Variants in DHX30 observed in about 807,000 individuals in gnomAD.
DHX30 encodes DExH-box helicase 30.
A neutral mutation model predicts 116.9 loss-of-function variants in DHX30; 4 were observed. The observed-to-expected ratio is 0.03, with a 90% confidence interval of 0.02 to 0.08. The LOEUF is 0.08. Ranked by LOEUF, DHX30 falls within the 10% of genes least tolerant of loss-of-function variation. The probability of loss-of-function intolerance (pLI) is 1.00; values close to 1 mark genes in which losing one functional copy is unlikely to be tolerated. For synonymous variants in DHX30, 697 were observed against 651.7 expected, an observed-to-expected ratio of 1.07 and a Z score of -1.06; for missense variants, 871 against 1,595.1, an observed-to-expected ratio of 0.55 and a Z score of 7.73.
intron 5 of DHX30, 128 bp from the exon 6 acceptor site, chr3:47,828,896 C>A: frequency 1.5e-6 from 1 of 656,084 alleles, no homozygotes; most frequent in Non-Finnish European, 2.8e-6. Flanking sequence ...GTTCTCAACT[C>A]TGAACCTAGC....
intron 6 of DHX30, among the ~76,000 whole-genome samples, chr3:47,834,701 C>A (rs567450063): frequency 3.3e-5 from 5 of 152,200 alleles, no homozygotes; most frequent in African/African-American, 1.2e-4. Flanking sequence ...CTCAAGCAAT[C>A]CACCTGTCTC....
At chr3:47,837,475 A>G (rs2037174079) in intron 6 of DHX30, among the ~76,000 whole-genome samples, 1 of 152,184 alleles carries the variant, frequency 6.6e-6, no homozygotes. Flanking sequence ...GGTTTCTTCA[A>G]CGGTATTAGA....
chr3:47,833,661 C>G (rs1253161935), intron 6 of DHX30, among the ~76,000 whole-genome samples: 1 of 150,982 alleles, frequency 6.6e-6, no homozygotes, highest in African/African-American at 2.4e-5. Context: ...AGTTCGAGAC[C>G]AGCTTGGCCA....
At chr3:47,824,959 C>T in intron 4 of DHX30, 3 of 497,760 alleles carry the variant, frequency 6.0e-6, no homozygotes, top group South Asian at 2.9e-5. Flanking sequence ...CCGCAGGGGG[C>T]GCGCGGCGCT....
chr3:47,818,428 C>T (rs2036153161), intron 4 of DHX30, among the ~76,000 whole-genome samples: 1 of 152,048 alleles, frequency 6.6e-6, no homozygotes, highest in African/African-American at 2.4e-5. Flanking sequence ...CTTGGGGCCT[C>T]GAGGCTCCTA....
At position 47,848,655 on chromosome 3, in the gene DHX30, C is replaced by T; in HGVS notation, c.2607C>T (p.Thr869=). ...TGGACCAGCGGGAGTACCTGACTAC[C>T]CTGGGGCAGCGCCTGGCTCACATCT... ...GVLDQREYLT[T]LGQRLAHIST... is the part of the protein sequence containing the mutation. Residue 869 remains threonine, a synonymous_variant, in exon 17 of 22, where the codon ACC becomes ACT. Coordinates refer to ENST00000445061, the MANE Select transcript of DHX30 (RefSeq NM_138615.3). The surrounding 1 kb of genome is among the most constrained non-coding windows in gnomAD (Gnocchi z 9.4). 6.2e-7 allele frequency: 1 copy of T among 1,614,120 alleles called. No individual in the cohort carries two copies. Among genetic ancestry groups the T allele is most frequent in the Non-Finnish European group, 8.5e-7 (1 of 1,180,002 alleles).
intron 4 of DHX30, chr3:47,822,127 A>T (rs369693114): frequency 5.3e-4 from 80 of 152,324 alleles, no homozygotes; most frequent in African/African-American, 1.9e-3. Flanking sequence ...TGCAGGCTGT[A>T]GTTTTCCAAC....
rs1052271611 is a variant in DHX30, at chr3:47,835,327, C to T, written c.367-5550C>T. On this transcript the variant is annotated intron_variant, in intron 6 of 21. Coordinates refer to ENST00000445061, the MANE Select transcript of DHX30 (RefSeq NM_138615.3). ...CTGGGATTACAGGCATGTGCCACCA[C>T]GCCTGGAATTTTGTATTTTTACTAG... Among the ~76,000 whole-genome samples the T allele has an allele frequency of 5.9e-5, 9 of 152,154 alleles. No homozygotes were observed. In the East Asian group the frequency reaches 9.7e-4, roughly 16 times the overall value.
chr3:47,842,212 A>T (rs1308955728), intron 8 of DHX30: 1 of 157,370 alleles, frequency 6.4e-6, no homozygotes, highest in Non-Finnish European at 1.4e-5. Context: ...TGACCCCTTA[A>T]TTTACAAGAC....
chr3:47,841,468 C>A, intron 7 of DHX30, 149 bp from the exon 8 acceptor site: 1 of 1,111,986 alleles, frequency 9.0e-7, no homozygotes, highest in African/African-American at 1.6e-5. Flanking sequence ...GTGGGAGGAG[C>A]AGAGACGCCC....
chr3:47,820,085 G>T (rs13079407), intron 4 of DHX30, among the ~76,000 whole-genome samples: 91,571 of 152,046 alleles, frequency 0.6, 28,938 homozygotes, highest in East Asian at 0.72. Context: ...GGCCAAGGTG[G>T]GTGGATCATC....
chr3:47,842,377 C>T (rs1253604604), intron 8 of DHX30: 1 of 152,606 alleles, frequency 6.6e-6, no homozygotes, highest in Admixed American at 6.5e-5. Context: ...CAACATAAAA[C>T]CTTGAGTTCG....
chr3:47,829,315 T>TATG (rs869292091), intron 6 of DHX30, among the ~76,000 whole-genome samples, 181 bp downstream of exon 6: 28 of 32,852 alleles, frequency 8.5e-4, no homozygotes, highest in African/African-American at 2.2e-3. Context: ...TATATATATA[T>TATG]TTTTTTTTTT....
chr3:47,841,584 G>C, intron 7 of DHX30, 33 bp from the exon 8 acceptor site: 2 of 1,613,980 alleles, frequency 1.2e-6, no homozygotes, highest in Non-Finnish European at 1.7e-6. Context: ...CAGGAAGAGA[G>C]AATTCTTTCA....
At chr3:47,810,512 CTG>C in intron 2 of DHX30, 143 bp from the exon 3 acceptor site, 1 of 644,958 alleles carries the variant, frequency 1.6e-6, no homozygotes, top group South Asian at 1.9e-5. Context: ...GTCCTCAAGA[CTG>C]GGGAGCAGCA....
At position 47,820,466 on chromosome 3, in the gene DHX30, G is replaced by A. The variant is rs552313727; in HGVS notation, c.124+2349G>A. Among the ~76,000 whole-genome samples, 18 of 152,258 alleles carry A rather than the reference G, an allele frequency of 1.2e-4. No individual in the cohort carries two copies. The South Asian group carries it at 1.9e-3, about 16-fold the overall frequency. ...GATCCTTTCTTGCCATTTTGACCACGTGTAATATATGTATATATGGTTGGG... is the reference window on the plus strand; with the variant it reads ...GATCCTTTCTTGCCATTTTGACCACATGTAATATATGTATATATGGTTGGG... On this transcript the variant is annotated intron_variant, in intron 4 of 21. Transcript: ENST00000445061.
intron 9 of DHX30, 76 bp downstream of exon 9, chr3:47,843,331 C>G: frequency 6.3e-7 from 1 of 1,577,362 alleles, no homozygotes; most frequent in South Asian, 1.1e-5. Context: ...AAATGGGTCC[C>G]ATTTTCTAGG....
Position 47,846,817 on chromosome 3 carries a change from A to C in DHX30, c.1745A>C (p.Asn582Thr), listed in dbSNP as rs764277096. ...LILLKGLQRL[N>T]PALRLVLMSA... Reference sequence around the variant, plus strand: ...CTGCTCAAGGGCCTGCAGCGGCTCAACCCGGCCCTGCGGCTGGTGCTCATG... The same window carrying C: ...CTGCTCAAGGGCCTGCAGCGGCTCACCCCGGCCCTGCGGCTGGTGCTCATG... The change falls in exon 11 of 22, where the codon AAC becomes ACC. Residue 582 changes from asparagine (N) to threonine (T), a missense_variant. Asn to Thr is a moderately conservative substitution (Grantham distance 65, BLOSUM62 0). Transcript: ENST00000445061. 1 of 1,613,094 alleles carries C rather than the reference A, an allele frequency of 6.2e-7. No individual in the cohort carries two copies. Among genetic ancestry groups the C allele is most frequent in the African/African-American group, 1.3e-5 (1 of 74,922 alleles).
rs567526218 is a variant in DHX30, at chr3:47,834,030, G to C, written c.366+4896G>C. On this transcript the variant is annotated intron_variant, in intron 6 of 21. Coordinates refer to ENST00000445061, the MANE Select transcript of DHX30 (RefSeq NM_138615.3). ...CATTTCTCTTTTCTTCCTGCCCCTG[G>C]TAACTACCAGGTCTACTCTGTTTCT... Among the ~76,000 whole-genome samples, 4 of 151,958 alleles carry C rather than the reference G, an allele frequency of 2.6e-5. No homozygotes were observed. The South Asian group carries it at 8.3e-4, about 32-fold the overall frequency.
Sources: gnomAD v4.1 joint callset for allele counts (sites outside exome capture counted in the v4.1 genomes callset) on GRCh38, gnomAD v4.1.1 for gene constraint, Gnocchi (gnomAD v3.1) non-coding constraint, MANE v1.5 for transcripts, NCBI Gene and HGNC (gene_info 2026-07-23, HGNC 2026-07-21) for gene names.